Variants in PARVA observed in about 807,000 individuals in gnomAD.
The protein encoded by PARVA is parvin alpha.
PARVA carries 25 observed loss-of-function variants against 52.6 expected under a neutral mutation model. The ratio of observed to expected loss-of-function variants is 0.48; its 90% confidence interval spans 0.35 to 0.66. The LOEUF is 0.66. PARVA is among the 30% of genes least tolerant of loss of function. The probability of loss-of-function intolerance (pLI) is 0.01; values close to 1 mark genes in which losing one functional copy is unlikely to be tolerated. For missense variants in PARVA, 373 were observed against 450.9 expected (o/e 0.83, Z 1.56); for synonymous variants, 185 against 179.1 (o/e 1.03, Z -0.26).
chr11:12,520,641 C>T (rs969505394), intron 12 of PARVA, among the ~76,000 whole-genome samples: 1 of 152,132 alleles, frequency 6.6e-6, no homozygotes, highest in Non-Finnish European at 1.5e-5. Flanking sequence ...GCATCAAGTT[C>T]CTAACCAGTG....
chr11:12,449,457 C>T (rs1027422696), intron 1 of PARVA, among the ~76,000 whole-genome samples: 22 of 152,130 alleles, frequency 1.4e-4, no homozygotes, highest in African/African-American at 3.9e-4. Flanking sequence ...CAGCACCTGG[C>T]GGGACATACA....
In PARVA at chr11:12,530,981, G is replaced by A. The variant is rs998795429; in HGVS notation, c.*3056G>A. ...TATCAGAGGCATCCTCATGTGCCTC[G>A]AACCGAATGTTTTTAAGTCCTCTTT... On this transcript the variant is annotated 3_prime_UTR_variant, in exon 13 of 13. Coordinates refer to ENST00000334956, the MANE Select transcript of PARVA (RefSeq NM_018222.5). Among the ~76,000 whole-genome samples the A allele has an allele frequency of 1.3e-5, 2 of 152,128 alleles. No individual in the cohort carries two copies. Among genetic ancestry groups the A allele is most frequent in the African/African-American group, 2.4e-5 (1 of 41,426 alleles).
chr11:12,443,185 T>C (rs1444213549), intron 1 of PARVA, among the ~76,000 whole-genome samples: 2 of 143,598 alleles, frequency 1.4e-5, no homozygotes, highest in African/African-American at 2.6e-5. Context: ...TTTTTTTTTT[T>C]TTTTTGAGAT....
In PARVA at chr11:12,529,007, G is replaced by C. The variant is rs1279533926; in HGVS notation, c.*1082G>C. On this transcript the variant is annotated 3_prime_UTR_variant, in exon 13 of 13. Coordinates refer to ENST00000334956, the MANE Select transcript of PARVA (RefSeq NM_018222.5). The stretch of plus-strand genomic sequence containing the variant: ...ATGTACAATATGCTCAGGCACCGCA[G>C]AGAGCTGGGCACGGGCCCATGTGAG... 1 of 152,674 alleles carries C rather than the reference G, an allele frequency of 6.5e-6. No homozygotes were observed. The highest frequency in any genetic ancestry group is 2.4e-5 in the African/African-American group (1 of 41,460). The allele number at this position is 152,674 out of a possible 1,614,324, so 9.5% of individuals were successfully genotyped here. A position where few individuals can be genotyped will look rare whatever the true frequency, so the allele number is the denominator to read the frequency against.
At chr11:12,484,504 GGTGT>G (rs35501237) in intron 4 of PARVA, among the ~76,000 whole-genome samples, 15,920 of 144,460 alleles carry the variant, frequency 0.11, 1,014 homozygotes, top group Middle Eastern at 0.18. Flanking sequence ...GTTTTGTTTT[GGTGT>G]GTGTGTGTGT....
In PARVA at chr11:12,379,694, G is replaced by A. The variant is rs796713940; in HGVS notation, c.136+1911G>A. On this transcript the variant is annotated intron_variant, in intron 1 of 12. Coordinates refer to ENST00000334956, the MANE Select transcript of PARVA (RefSeq NM_018222.5). ...AGTATAAAAACATCTTCAGCGCTGA[G>A]GATTATCAGACTTGATGAAGAACTA... Among the ~76,000 whole-genome samples the A allele has an allele frequency of 2.4e-4, 37 of 152,312 alleles. 1 individual carries two copies. Among genetic ancestry groups the A allele is most frequent in the African/African-American group, 8.4e-4 (35 of 41,556 alleles).
At chr11:12,388,655 C>T (rs768358816) in intron 1 of PARVA, among the ~76,000 whole-genome samples, 3 of 152,036 alleles carry the variant, frequency 2.0e-5, no homozygotes, top group East Asian at 1.9e-4. Context: ...TTGCTATTAG[C>T]GTTTTGCTTC....
intron 1 of PARVA, among the ~76,000 whole-genome samples, chr11:12,456,026 T>TC (rs1554897304): frequency 6.6e-6 from 1 of 152,216 alleles, no homozygotes; most frequent in Non-Finnish European, 1.5e-5. Context: ...TCTCTTTGCA[T>TC]CTGTTTGAAA....
intron 1 of PARVA, among the ~76,000 whole-genome samples, chr11:12,463,020 A>C (rs76354104): frequency 0.033 from 5,021 of 152,088 alleles, 309 homozygotes; most frequent in African/African-American, 0.11. Flanking sequence ...TTCCACCCCC[A>C]ACCCTTCATG....
At chr11:12,406,682 T>C (rs1939914675) in intron 1 of PARVA, among the ~76,000 whole-genome samples, 2 of 121,072 alleles carry the variant, frequency 1.7e-5, no homozygotes, top group South Asian at 5.3e-4. Flanking sequence ...TTTTTTTTTT[T>C]TTTTTTGAGA....
At chr11:12,408,901 GACTA>G (rs1939952119) in intron 1 of PARVA, among the ~76,000 whole-genome samples, 1 of 152,206 alleles carries the variant, frequency 6.6e-6, no homozygotes, top group South Asian at 2.1e-4. Flanking sequence ...AGTGAAGTGG[GACTA>G]ACTATGATCT....
chr11:12,379,737 T>C (rs567773588), intron 1 of PARVA, among the ~76,000 whole-genome samples: 2 of 152,340 alleles, frequency 1.3e-5, no homozygotes, highest in East Asian at 1.9e-4. Context: ...ATTCCCTAGA[T>C]TGAAACGAGA....
chr11:12,440,624 G>A (rs1345802357), intron 1 of PARVA, among the ~76,000 whole-genome samples: 2 of 152,176 alleles, frequency 1.3e-5, no homozygotes, highest in South Asian at 2.1e-4. Flanking sequence ...GTTTTTATCT[G>A]GTGGCCCTGG....
At chr11:12,379,509 T>C (rs1294010988) in intron 1 of PARVA, among the ~76,000 whole-genome samples, 2 of 152,250 alleles carry the variant, frequency 1.3e-5, no homozygotes. Flanking sequence ...TTTACCAATC[T>C]AACACTAGGT....
intron 1 of PARVA, among the ~76,000 whole-genome samples, chr11:12,423,021 GT>G (rs1354973870): frequency 6.6e-6 from 1 of 151,790 alleles, no homozygotes; most frequent in Non-Finnish European, 1.5e-5. Context: ...GCCCAACTAA[GT>G]TTTGTATTTC....
At chr11:12,513,709 G>A in intron 9 of PARVA, 1 of 584,136 alleles carries the variant, frequency 1.7e-6, no homozygotes. Context: ...TTTTATTTCA[G>A]TTCCCCCACC....
rs1414505424 is a variant in PARVA at position 12,529,865 on chromosome 11, A to T, written c.*1940A>T. The T allele has an allele frequency of 2.0e-5, 3 of 152,198 alleles. No individual in the cohort carries two copies. The highest frequency in any genetic ancestry group is 7.2e-5 in the African/African-American group (3 of 41,452). 9.4% of individuals were successfully genotyped at this position (152,198 alleles called of 1,614,324 possible). A position where few individuals can be genotyped will look rare whatever the true frequency, so the allele number is the denominator to read the frequency against. ...AAAGAATACAATTCTTTTTTACATA[A>T]TTAGTGAAATTTTATTTTTTATTAG... On this transcript the variant is annotated 3_prime_UTR_variant, in exon 13 of 13. Transcript: ENST00000334956.
intron 1 of PARVA, among the ~76,000 whole-genome samples, chr11:12,449,354 G>C (rs1056062289): frequency 6.6e-6 from 1 of 152,016 alleles, no homozygotes; most frequent in East Asian, 1.9e-4. Context: ...ACAGGGTTTT[G>C]CCATGTTGGA....
intron 12 of PARVA, among the ~76,000 whole-genome samples, chr11:12,522,608 G>A (rs1039766577): frequency 1.3e-5 from 2 of 151,750 alleles, no homozygotes; most frequent in Admixed American, 6.6e-5. Flanking sequence ...TAGTAGAGAC[G>A]GGGTTTCACC....
Sources: allele counts gnomAD v4.1 joint callset (sites outside exome capture counted in the v4.1 genomes callset), GRCh38; gene constraint gnomAD v4.1.1; transcripts MANE v1.5; gene names NCBI Gene and HGNC (gene_info 2026-07-23, HGNC 2026-07-21).